KAZN: variants seen among roughly 807,000 people sequenced by gnomAD.
KAZN encodes kazrin.
A neutral mutation model predicts 87.4 loss-of-function variants in KAZN; 40 were observed. The observed-to-expected ratio is 0.46, with a 90% CI of 0.36 to 0.60. KAZN has a LOEUF of 0.60. KAZN is among the 20% of genes least tolerant of loss of function. The pLI is 0.00. For synonymous variants in KAZN, 466 were observed against 458.3 expected (o/e 1.02, Z -0.22); for missense variants, 898 against 1,073.9 (o/e 0.84, Z 2.29).
At chr1:14,047,556 G>A (rs1172719453) in intron 1 of KAZN, among the ~76,000 whole-genome samples, 1 of 152,166 alleles carries the variant, frequency 6.6e-6, no homozygotes, top group Non-Finnish European at 1.5e-5. Flanking sequence ...GCTGCTTGCA[G>A]TACTTCTGCT....
At chr1:14,347,884 C>CT (rs905126831) in intron 2 of KAZN, among the ~76,000 whole-genome samples, 47 of 145,892 alleles carry the variant, frequency 3.2e-4, no homozygotes, top group South Asian at 1.3e-3. Context: ...TTTTCTTTTT[C>CT]TTTTTTTTTT....
chr1:14,239,300 A>T (rs560412818), intron 2 of KAZN, among the ~76,000 whole-genome samples: 111 of 152,268 alleles, frequency 7.3e-4, no homozygotes, highest in African/African-American at 2.6e-3. Context: ...AAGTTTTTTA[A>T]GAGGCTGGTT....
At chr1:14,304,315 C>T (rs1571262661) in intron 2 of KAZN, among the ~76,000 whole-genome samples, 1 of 152,168 alleles carries the variant, frequency 6.6e-6, no homozygotes, top group East Asian at 1.9e-4. Flanking sequence ...GATTCAAAAA[C>T]TTAAAGGGAA....
At chr1:14,129,677 C>A (rs1644950371) in intron 1 of KAZN, among the ~76,000 whole-genome samples, 1 of 152,162 alleles carries the variant, frequency 6.6e-6, no homozygotes, top group Non-Finnish European at 1.5e-5. Flanking sequence ...ATGGGTGTTA[C>A]ACTTGTCCAT....
intron 2 of KAZN, among the ~76,000 whole-genome samples, chr1:15,032,456 T>G (rs548733648): frequency 6.6e-6 from 1 of 152,006 alleles, no homozygotes; most frequent in East Asian, 1.9e-4. Context: ...CCTCCCAAAG[T>G]GCTGGAATTA....
intron 1 of KAZN, among the ~76,000 whole-genome samples, chr1:14,020,480 G>A (rs891738608): frequency 2.0e-5 from 3 of 152,158 alleles, no homozygotes; most frequent in African/African-American, 7.2e-5. Flanking sequence ...TGAACAAAAA[G>A]TCTTGTTTCT....
chr1:14,649,295 T>C (rs1333841054), intron 1 of KAZN, among the ~76,000 whole-genome samples: 1 of 152,176 alleles, frequency 6.6e-6, no homozygotes, highest in Admixed American at 6.5e-5. Context: ...TGTTGACTTA[T>C]ATTTTAGGGT....
chr1:15,011,073 C>G (rs1669526332), intron 2 of KAZN, among the ~76,000 whole-genome samples: 1 of 152,146 alleles, frequency 6.6e-6, no homozygotes, highest in Non-Finnish European at 1.5e-5. Context: ...CCAAGATAGC[C>G]AAGGGTGTTA....
intron 1 of KAZN, among the ~76,000 whole-genome samples, chr1:13,918,873 C>T (rs1016262484): frequency 6.6e-6 from 1 of 152,074 alleles, no homozygotes; most frequent in African/African-American, 2.4e-5. Context: ...AGTCTGTGGC[C>T]CAGGCTGGAG....
At chr1:14,742,542 T>C (rs1412070237) in intron 1 of KAZN, among the ~76,000 whole-genome samples, 1 of 152,130 alleles carries the variant, frequency 6.6e-6, no homozygotes, top group East Asian at 1.9e-4. Context: ...CCGCCAGCAA[T>C]AACCAATCTC....
intron 1 of KAZN, among the ~76,000 whole-genome samples, chr1:13,929,047 CTTTT>C (rs33984927): frequency 0.039 from 3,919 of 101,542 alleles, 157 homozygotes; most frequent in African/African-American, 0.12. Context: ...AGCTTCAAGG[CTTTT>C]TTTTTTTTTT....
intron 2 of KAZN, among the ~76,000 whole-genome samples, chr1:14,241,517 A>G (rs948322192): frequency 3.3e-5 from 5 of 152,250 alleles, no homozygotes; most frequent in Non-Finnish European, 7.3e-5. Flanking sequence ...AAACAGACAT[A>G]TAATAACAAT....
intron 2 of KAZN, among the ~76,000 whole-genome samples, chr1:14,478,251 A>G (rs892975611): frequency 7.1e-6 from 1 of 140,402 alleles, no homozygotes; most frequent in Admixed American, 7.2e-5. Context: ...GAAGGAAAAG[A>G]AGGAAGGAAG....
intron 2 of KAZN, among the ~76,000 whole-genome samples, chr1:14,204,893 G>A (rs1030680558): frequency 1.3e-5 from 2 of 152,196 alleles, no homozygotes; most frequent in African/African-American, 4.8e-5. Context: ...AGTGTACTAG[G>A]GAATGCTAAC....
chr1:15,064,961 C>A (rs911544366), intron 7 of KAZN, among the ~76,000 whole-genome samples: 18 of 152,102 alleles, frequency 1.2e-4, no homozygotes, highest in African/African-American at 4.3e-4. Context: ...GTACAAATGA[C>A]CACAGCTGCT....
intron 1 of KAZN, among the ~76,000 whole-genome samples, chr1:14,793,811 T>G (rs1008511396): frequency 2.0e-5 from 3 of 152,114 alleles, no homozygotes; most frequent in Admixed American, 6.5e-5. Flanking sequence ...TAGTTTGTAT[T>G]TGGAAGCCAG....
chr1:14,038,268 G>A (rs1244146438), intron 1 of KAZN, among the ~76,000 whole-genome samples: 2 of 152,206 alleles, frequency 1.3e-5, no homozygotes, highest in Non-Finnish European at 2.9e-5. Context: ...TGGGGCAGGT[G>A]CAGTTGTGAT....
At chr1:14,406,041 T>C (rs564863678) in intron 2 of KAZN, among the ~76,000 whole-genome samples, 7 of 152,266 alleles carry the variant, frequency 4.6e-5, no homozygotes, top group Non-Finnish European at 8.8e-5. Flanking sequence ...TAGCACACAA[T>C]AGGGTGACTA....
intron 1 of KAZN, among the ~76,000 whole-genome samples, chr1:14,170,150 C>T (rs1459815968): frequency 2.6e-5 from 4 of 152,192 alleles, no homozygotes; most frequent in East Asian, 3.9e-4. Context: ...AGCTCTCAAA[C>T]CCCACAGGCT....
Sources: gnomAD v4.1 joint callset for allele counts (sites outside exome capture counted in the v4.1 genomes callset) on GRCh38, gnomAD v4.1.1 for gene constraint, MANE v1.5 for transcripts, NCBI Gene and HGNC (gene_info 2026-07-23, HGNC 2026-07-21) for gene names.